Variants in CADM2 observed in about 807,000 individuals in gnomAD.
CADM2 encodes cell adhesion molecule 2.
A neutral mutation model predicts 49.8 loss-of-function variants in CADM2; 12 were observed. The observed-to-expected ratio is 0.24, with a 90% CI of 0.15 to 0.39. CADM2 has a LOEUF of 0.39. Ranked by LOEUF, CADM2 falls within the 10% of genes least tolerant of loss-of-function variation. The probability of loss-of-function intolerance (pLI) is 1.00; values close to 1 mark genes in which losing one functional copy is unlikely to be tolerated. For synonymous variants in CADM2, 214 were observed against 175.4 expected (o/e 1.22, Z -1.74); for missense variants, 378 against 492.3 (o/e 0.77, Z 2.20).
chr3:85,535,130 G>T (rs369642288), intron 1 of CADM2, among the ~76,000 whole-genome samples: 8 of 152,194 alleles, frequency 5.3e-5, no homozygotes, highest in South Asian at 2.1e-4. Context: ...ATATGCAAAT[G>T]ACTCATTATA....
chr3:85,393,715 G>C (rs1225337503), intron 1 of CADM2, among the ~76,000 whole-genome samples: 1 of 151,888 alleles, frequency 6.6e-6, no homozygotes, highest in Non-Finnish European at 1.5e-5. Flanking sequence ...TGTAAGATTC[G>C]AGATAGATCG....
chr3:85,501,556 T>C (rs1382750163), intron 1 of CADM2, among the ~76,000 whole-genome samples: 3 of 152,088 alleles, frequency 2.0e-5, no homozygotes, highest in African/African-American at 7.2e-5. Context: ...AAAAATATTA[T>C]TACCAGTTAG....
At chr3:85,682,826 G>C (rs1305997162) in intron 1 of CADM2, among the ~76,000 whole-genome samples, 1 of 151,924 alleles carries the variant, frequency 6.6e-6, no homozygotes, top group Non-Finnish European at 1.5e-5. Flanking sequence ...TATTGTTTCA[G>C]GGGGACTATA....
intron 1 of CADM2, among the ~76,000 whole-genome samples, chr3:85,428,817 T>G (rs938108218): frequency 1.3e-5 from 2 of 151,256 alleles, no homozygotes; most frequent in African/African-American, 4.8e-5. Flanking sequence ...CACCATGCAG[T>G]TTTTCTTTTA....
chr3:85,090,990 C>T (rs1201612776), intron 1 of CADM2, among the ~76,000 whole-genome samples: 1 of 152,114 alleles, frequency 6.6e-6, no homozygotes, highest in Non-Finnish European at 1.5e-5. Flanking sequence ...GCCAGTATTT[C>T]TCAAATATAA....
rs536815444 is a variant in CADM2, at chr3:85,504,845, G to A, written c.62-221677G>A. Among the ~76,000 whole-genome samples the A allele has an allele frequency of 4.5e-3, 687 of 152,302 alleles. 6 individuals are homozygous for A. Among genetic ancestry groups the A allele is most frequent in the African/African-American group, 0.016 (655 of 41,576 alleles). ...CGCGGGAAGGCAGCTAAGGCCCGGC[G>A]AGAAATAGAGCGCAGCGCCGGTGGG... On this transcript the variant is annotated intron_variant, in intron 1 of 9. Coordinates refer to ENST00000383699, the MANE Select transcript of CADM2 (RefSeq NM_001167675.2).
chr3:85,079,435 G>A (rs538765957), intron 1 of CADM2, among the ~76,000 whole-genome samples: 1 of 151,836 alleles, frequency 6.6e-6, no homozygotes, highest in South Asian at 2.1e-4. Context: ...TTTAATTGTA[G>A]AAGGATTACC....
chr3:85,777,311 C>T (rs887352792), intron 2 of CADM2, among the ~76,000 whole-genome samples: 6 of 151,420 alleles, frequency 4.0e-5, no homozygotes, highest in Admixed American at 1.3e-4. Context: ...GCTGGAGTGT[C>T]GTGGCGTGAT....
At chr3:85,575,867 G>A (rs58822298) in intron 1 of CADM2, among the ~76,000 whole-genome samples, 1,705 of 152,262 alleles carry the variant, frequency 0.011, 35 homozygotes, top group African/African-American at 0.039. Context: ...AAATTATTCA[G>A]CATAGAATGA....
intron 1 of CADM2, among the ~76,000 whole-genome samples, chr3:85,493,152 T>C (rs747445841): frequency 6.6e-6 from 1 of 152,246 alleles, no homozygotes; most frequent in South Asian, 2.1e-4. Context: ...AATATAATAA[T>C]TTTAATCTAT....
chr3:85,636,902 A>G (rs966324611), intron 1 of CADM2, among the ~76,000 whole-genome samples: 1 of 152,186 alleles, frequency 6.6e-6, no homozygotes. Context: ...AGTACACTCT[A>G]TGATGTCTAC....
chr3:85,078,064 G>A (rs989519250), intron 1 of CADM2, among the ~76,000 whole-genome samples: 5 of 151,980 alleles, frequency 3.3e-5, no homozygotes, highest in Non-Finnish European at 4.4e-5. Flanking sequence ...TAAATTATAC[G>A]TGGAATGTAT....
At chr3:84,965,113 T>G (rs1310545834) in intron 1 of CADM2, among the ~76,000 whole-genome samples, 1 of 152,212 alleles carries the variant, frequency 6.6e-6, no homozygotes, top group East Asian at 1.9e-4. Flanking sequence ...AGGACACAAT[T>G]TAAATTTACT....
chr3:85,193,142 A>G (rs1222074561), intron 1 of CADM2, among the ~76,000 whole-genome samples: 1 of 152,072 alleles, frequency 6.6e-6, no homozygotes, highest in Non-Finnish European at 1.5e-5. Context: ...GAAAAGTATT[A>G]AAATATAGGG....
chr3:85,627,469 A>G (rs1576966204), intron 1 of CADM2, among the ~76,000 whole-genome samples: 1 of 152,046 alleles, frequency 6.6e-6, no homozygotes, highest in African/African-American at 2.4e-5. Flanking sequence ...AAAGTGATAC[A>G]TTCTTTAGTG....
At chr3:85,412,606 A>T (rs2035707133) in intron 1 of CADM2, among the ~76,000 whole-genome samples, 1 of 151,978 alleles carries the variant, frequency 6.6e-6, no homozygotes, top group South Asian at 2.1e-4. Flanking sequence ...TCAACTGGAT[A>T]CATACAGCCT....
intron 1 of CADM2, among the ~76,000 whole-genome samples, chr3:85,707,844 T>C (rs1263545468): frequency 5.9e-5 from 9 of 152,184 alleles, no homozygotes; most frequent in Admixed American, 5.9e-4. Context: ...ATTACAGTGA[T>C]CCACATTTTC....
At chr3:85,768,813 AG>A (rs1327015089) in intron 2 of CADM2, among the ~76,000 whole-genome samples, 2 of 97,068 alleles carry the variant, frequency 2.1e-5, no homozygotes, top group African/African-American at 9.2e-5. Context: ...ATACATATAT[AG>A]TATATATACA....
intron 1 of CADM2, among the ~76,000 whole-genome samples, chr3:85,195,513 C>T (rs1452974852): frequency 6.7e-6 from 1 of 149,842 alleles, no homozygotes; most frequent in Admixed American, 6.8e-5. Context: ...TATATTTTGA[C>T]AATATGTGTA....
Sources: gnomAD v4.1 joint callset for allele counts (sites outside exome capture counted in the v4.1 genomes callset) on GRCh38, gnomAD v4.1.1 for gene constraint, MANE v1.5 for transcripts, NCBI Gene and HGNC (gene_info 2026-07-23, HGNC 2026-07-21) for gene names.